The following SORCS2 variants were observed in gnomAD, a reference collection of about 807,000 sequenced individuals.
SORCS2 encodes sortilin related VPS10 domain containing receptor 2.
Under a neutral mutation model 141.6 loss-of-function variants are expected in SORCS2, and 100 were observed. The observed-to-expected ratio is 0.71, with a 90% CI of 0.60 to 0.83. The LOEUF is 0.83. Ranked by LOEUF, SORCS2 falls within the 40% of genes least tolerant of loss-of-function variation. The pLI is 0.00. For missense variants in SORCS2, 1,646 were observed against 1,560.2 expected (o/e 1.05, Z -0.93); for synonymous variants, 789 against 676.9 (o/e 1.17, Z -2.57).
chr4:7,376,708 G>A (rs1202464000), intron 1 of SORCS2, among the ~76,000 whole-genome samples: 1 of 152,118 alleles, frequency 6.6e-6, no homozygotes, highest in Non-Finnish European at 1.5e-5. Flanking sequence ...TGTCTTTGTG[G>A]GTTTATACAT....
intron 2 of SORCS2, among the ~76,000 whole-genome samples, chr4:7,484,615 G>A (rs148694625): frequency 6.1e-4 from 93 of 152,276 alleles, no homozygotes; most frequent in African/African-American, 2.0e-3. Context: ...GGGGAGCTCT[G>A]CAAGCAATTC....
intron 1 of SORCS2, among the ~76,000 whole-genome samples, chr4:7,389,840 G>A (rs975609085): frequency 6.6e-6 from 1 of 152,212 alleles, no homozygotes. Flanking sequence ...GCGGTAGTGA[G>A]AGTGGAGGGA....
intron 1 of SORCS2, among the ~76,000 whole-genome samples, chr4:7,346,477 T>C (rs977716152): frequency 9.9e-5 from 15 of 152,216 alleles, no homozygotes; most frequent in African/African-American, 3.4e-4. Flanking sequence ...TCCAGGAGAA[T>C]GTTTTATGTG....
chr4:7,216,695 T>A (rs1025679932), intron 1 of SORCS2, among the ~76,000 whole-genome samples: 4 of 152,062 alleles, frequency 2.6e-5, no homozygotes, highest in Non-Finnish European at 5.9e-5. Flanking sequence ...TTAAGGACCC[T>A]CCTAATGACT....
intron 1 of SORCS2, among the ~76,000 whole-genome samples, chr4:7,335,862 G>T (rs1719950548): frequency 6.6e-6 from 1 of 152,216 alleles, no homozygotes; most frequent in Non-Finnish European, 1.5e-5. Context: ...GCGGGTGCGG[G>T]GGTGAGGCCT....
chr4:7,349,283 C>T (rs1310532310), intron 1 of SORCS2, among the ~76,000 whole-genome samples: 1 of 152,194 alleles, frequency 6.6e-6, no homozygotes, highest in African/African-American at 2.4e-5. Context: ...CCCTCTGCCC[C>T]AGTGATGATT....
intron 2 of SORCS2, among the ~76,000 whole-genome samples, chr4:7,509,245 C>T (rs1239567635): frequency 6.6e-6 from 1 of 152,138 alleles, no homozygotes; most frequent in African/African-American, 2.4e-5. Context: ...GAGGTCCCTG[C>T]AGCCTGGGGG....
intron 2 of SORCS2, among the ~76,000 whole-genome samples, chr4:7,463,162 G>A (rs7698267): frequency 0.56 from 84,454 of 152,020 alleles, 24,518 homozygotes; most frequent in African/African-American, 0.68. Flanking sequence ...GCCTGGCCCC[G>A]AAGCCTGGTG....
At chr4:7,574,113 T>G (rs13124700) in intron 3 of SORCS2, among the ~76,000 whole-genome samples, 44,663 of 152,250 alleles carry the variant, frequency 0.29, 6,574 homozygotes, top group Non-Finnish European at 0.31. Flanking sequence ...GAAATTGCCT[T>G]ATTTGTATGT....
chr4:7,679,405 G>A (rs1031828469), intron 9 of SORCS2, among the ~76,000 whole-genome samples: 1 of 152,216 alleles, frequency 6.6e-6, no homozygotes, highest in African/African-American at 2.4e-5. Context: ...CCCAGGCCCT[G>A]CAATGTGACC....
chr4:7,452,293 A>C (rs1373190997), intron 2 of SORCS2, among the ~76,000 whole-genome samples: 1 of 152,026 alleles, frequency 6.6e-6, no homozygotes, highest in African/African-American at 2.4e-5. Context: ...GGCATATGCC[A>C]CCATGCCTGG....
intron 1 of SORCS2, among the ~76,000 whole-genome samples, chr4:7,280,531 G>A (rs531538584): frequency 6.4e-4 from 97 of 152,316 alleles, no homozygotes; most frequent in African/African-American, 2.3e-3. Flanking sequence ...TCGCTCATGA[G>A]AGGAAGTACT....
At chr4:7,433,503 G>T in intron 2 of SORCS2, 1 of 1,602,290 alleles carries the variant, frequency 6.2e-7, no homozygotes, top group East Asian at 2.2e-5. Context: ...ACACAGCCAC[G>T]GGGTCCATCA....
At chr4:7,444,954 AG>A (rs1345517884) in intron 2 of SORCS2, among the ~76,000 whole-genome samples, 3 of 150,940 alleles carry the variant, frequency 2.0e-5, no homozygotes, top group Non-Finnish European at 3.0e-5. Context: ...GAGGCGACCC[AG>A]GCAGGCAGAC....
intron 3 of SORCS2, among the ~76,000 whole-genome samples, chr4:7,609,783 G>A (rs944820143): frequency 2.6e-5 from 4 of 152,208 alleles, no homozygotes; most frequent in Non-Finnish European, 1.5e-5. Flanking sequence ...GGATGACAAG[G>A]GTCTCCGCTG....
In SORCS2 at chr4:7,664,155, G is replaced by A. The variant is rs974603814; in HGVS notation, c.953-198G>A. ...ACCTTCCTGAGGGTTGAAGGAGCTC[G>A]TGTCAGAGTGCAGGTGGCCCACAGT... On this transcript the variant is annotated intron_variant, in intron 6 of 26. Coordinates refer to ENST00000507866, the MANE Select transcript of SORCS2 (RefSeq NM_020777.3). This position sits in a 1 kb window ranked among gnomAD's most constrained non-coding sequence, Gnocchi z 4.7. Among the ~76,000 whole-genome samples the A allele has an allele frequency of 1.2e-4, 19 of 152,120 alleles. No homozygotes were observed. The highest frequency in any genetic ancestry group is 4.1e-4 in the African/African-American group (17 of 41,398).
chr4:7,537,800 A>C (rs1037686863), intron 3 of SORCS2, among the ~76,000 whole-genome samples: 81 of 152,160 alleles, frequency 5.3e-4, no homozygotes, highest in African/African-American at 1.8e-3. Context: ...TGAGCCCAGG[A>C]GTTTGAGACC....
At chr4:7,620,567 A>G (rs1307046744) in intron 3 of SORCS2, among the ~76,000 whole-genome samples, 4 of 152,230 alleles carry the variant, frequency 2.6e-5, no homozygotes, top group Non-Finnish European at 1.5e-5. Context: ...GTTGTGGGCA[A>G]CCAACAAAAA....
intron 1 of SORCS2, among the ~76,000 whole-genome samples, chr4:7,314,341 AT>A (rs58199252): frequency 0.42 from 41,060 of 98,626 alleles, 6,040 homozygotes; most frequent in South Asian, 0.5. Flanking sequence ...TATTTTTTTT[AT>A]TTTTTTTTAT....
Sources: allele counts gnomAD v4.1 joint callset (sites outside exome capture counted in the v4.1 genomes callset), GRCh38; gene constraint gnomAD v4.1.1; non-coding constraint Gnocchi (gnomAD v3.1); transcripts MANE v1.5; gene names NCBI Gene and HGNC (gene_info 2026-07-23, HGNC 2026-07-21).